The following ADK variants were observed in gnomAD, a reference collection of about 807,000 sequenced individuals.
ADK encodes the protein adenosine kinase.
A neutral mutation model predicts 44.7 loss-of-function variants in ADK; 24 were observed. The observed-to-expected ratio is 0.54, with a 90% CI of 0.39 to 0.76. The LOEUF is 0.76. Among genes scored for constraint, ADK ranks in the 30% least tolerant of loss-of-function variants. The probability of loss-of-function intolerance (pLI) is 0.00; values close to 1 mark genes in which losing one functional copy is unlikely to be tolerated. For synonymous variants in ADK, 128 were observed against 142.6 expected (o/e 0.90, Z 0.73); for missense variants, 321 against 425.1 (o/e 0.76, Z 2.15).
Position 74,180,226 on chromosome 10 carries a change from ATTATTATTG to A in ADK, c.66-20529_66-20521del, listed in dbSNP as rs1261897637. Among the ~76,000 whole-genome samples, 172 of 107,362 alleles carry A rather than the reference ATTATTATTG, an allele frequency of 1.6e-3. 1 individual carries two copies. Among genetic ancestry groups the A allele is most frequent in the East Asian group, 2.8e-3 (13 of 4,628 alleles). The allele number at this position is 107,362 out of a possible 152,430, so 70.4% of individuals were successfully genotyped here. A position where few individuals can be genotyped will look rare whatever the true frequency, so the allele number is the denominator to read the frequency against. On this transcript the variant is annotated intron_variant, in intron 1 of 10. Coordinates refer to ENST00000539909, the MANE Select transcript of ADK (RefSeq NM_006721.4). The stretch of plus-strand genomic sequence containing the variant: ...TTTTCTTTTTATTATTATTATTATT[ATTATTATTG>A]TTATTATTAATTATTATTTTGAGAC...
chr10:74,500,824 C>A lies in ADK; in HGVS notation c.556-24432C>A, dbSNP rs143106172. On this transcript the variant is annotated intron_variant, in intron 6 of 10. Coordinates refer to ENST00000539909, the MANE Select transcript of ADK (RefSeq NM_006721.4). ...TGGTGCAAATGGATAGATATTAATC[C>A]TGCAGCAATCAGGATTTGCTTCAGC... is the stretch of plus-strand genomic sequence containing the variant. Among the ~76,000 whole-genome samples, 8 of 152,152 alleles carry A rather than the reference C, an allele frequency of 5.3e-5. No individual in the cohort carries two copies. The East Asian group carries it at 1.5e-3, about 29-fold the overall frequency.
intron 7 of ADK, among the ~76,000 whole-genome samples, chr10:74,575,503 A>G (rs1240178614): frequency 6.6e-6 from 1 of 152,184 alleles, no homozygotes; most frequent in African/African-American, 2.4e-5. Flanking sequence ...AGGGATGGGT[A>G]GGATTTTGAC....
chr10:74,185,512 A>C, intron 1 of ADK, among the ~76,000 whole-genome samples: 1 of 141,574 alleles, frequency 7.1e-6, no homozygotes. Context: ...AAAAAATGCC[A>C]ACAATATAAT....
chr10:74,691,772 G>A, intron 10 of ADK, among the ~76,000 whole-genome samples: 1 of 152,010 alleles, frequency 6.6e-6, no homozygotes, highest in East Asian at 1.9e-4. Flanking sequence ...CTTTTATTTG[G>A]GGAGGTTTTT....
chr10:74,402,302 G>A (rs1025786585), intron 6 of ADK, among the ~76,000 whole-genome samples: 2 of 151,946 alleles, frequency 1.3e-5, no homozygotes, highest in African/African-American at 4.8e-5. Context: ...GCTAGGTTGG[G>A]GACATTCTCC....
intron 1 of ADK, among the ~76,000 whole-genome samples, chr10:74,175,786 A>G (rs1255261507): frequency 2.0e-5 from 3 of 152,238 alleles, no homozygotes; most frequent in African/African-American, 7.2e-5. Context: ...TGAAAATTAA[A>G]AAAATTATTG....
chr10:74,456,615 C>T (rs1384384420), intron 6 of ADK, among the ~76,000 whole-genome samples: 4 of 142,512 alleles, frequency 2.8e-5, no homozygotes, highest in African/African-American at 1.1e-4. Flanking sequence ...TGCAGTGAGC[C>T]GAGATCGCGC....
chr10:74,362,553 G>T (rs901845250), intron 4 of ADK, among the ~76,000 whole-genome samples: 1 of 151,766 alleles, frequency 6.6e-6, no homozygotes, highest in African/African-American at 2.4e-5. Flanking sequence ...GTTAGTCTGT[G>T]GTACCTTATT....
chr10:74,603,806 A>T (rs914656132), intron 9 of ADK, among the ~76,000 whole-genome samples: 3 of 152,188 alleles, frequency 2.0e-5, no homozygotes, highest in African/African-American at 7.2e-5. Flanking sequence ...CCTGTTCTAG[A>T]TCCTTGAGGA....
chr10:74,634,747 C>G (rs1853565393), intron 9 of ADK, among the ~76,000 whole-genome samples: 1 of 151,936 alleles, frequency 6.6e-6, no homozygotes, highest in African/African-American at 2.4e-5. Flanking sequence ...GAGTTCGAGA[C>G]CAGTCTGGCC....
chr10:74,607,120 T>C (rs1461112656), intron 9 of ADK, among the ~76,000 whole-genome samples: 1 of 152,192 alleles, frequency 6.6e-6, no homozygotes, highest in Non-Finnish European at 1.5e-5. Flanking sequence ...TGAACCTACG[T>C]GTGTCTTTGC....
At chr10:74,186,098 C>G (rs1842750539) in intron 1 of ADK, among the ~76,000 whole-genome samples, 1 of 152,074 alleles carries the variant, frequency 6.6e-6, no homozygotes, top group Non-Finnish European at 1.5e-5. Flanking sequence ...ATCTGCCTAC[C>G]TCGGCCTCCC....
chr10:74,286,411 A>G (rs1300986262), intron 3 of ADK, among the ~76,000 whole-genome samples: 1 of 152,182 alleles, frequency 6.6e-6, no homozygotes, highest in Admixed American at 6.6e-5. Flanking sequence ...CAATTTATCA[A>G]GGCTTTACTG....
rs537776058 is a variant in ADK at position 74,464,392 on chromosome 10, A to T, written c.556-60864A>T. 5.2e-3 allele frequency among the ~76,000 whole-genome samples: 771 copies of T among 147,922 alleles called. 10 individuals carry two copies. The highest frequency in any genetic ancestry group is 0.018 in the African/African-American group (722 of 39,222). On this transcript the variant is annotated intron_variant, in intron 6 of 10. Transcript: ENST00000539909. Reference sequence around the variant, plus strand: ...GGAGACCCCCATCTCTATTAATTTAAAAAAAAAAATTACCTGGACATGGTG... The same window carrying T: ...GGAGACCCCCATCTCTATTAATTTATAAAAAAAAATTACCTGGACATGGTG...
At chr10:74,281,317 A>G (rs1297955254) in intron 3 of ADK, among the ~76,000 whole-genome samples, 1 of 152,242 alleles carries the variant, frequency 6.6e-6, no homozygotes, top group African/African-American at 2.4e-5. Flanking sequence ...CAAATCAGTA[A>G]TGGTAATTTT....
At chr10:74,646,762 A>G (rs1384182568) in intron 9 of ADK, among the ~76,000 whole-genome samples, 1 of 152,212 alleles carries the variant, frequency 6.6e-6, no homozygotes, top group East Asian at 1.9e-4. Flanking sequence ...AAAACAATAT[A>G]AGCTCAGCCA....
intron 7 of ADK, among the ~76,000 whole-genome samples, chr10:74,534,301 A>G (rs1589225802): frequency 6.6e-6 from 1 of 152,238 alleles, no homozygotes; most frequent in East Asian, 1.9e-4. Flanking sequence ...AAATGAATAT[A>G]TACTTTGATT....
At chr10:74,702,148 G>A (rs532918921) in intron 10 of ADK, among the ~76,000 whole-genome samples, 3 of 152,008 alleles carry the variant, frequency 2.0e-5, no homozygotes, top group African/African-American at 7.2e-5. Flanking sequence ...CTCAATCTGG[G>A]AGGGGGTTGG....
chr10:74,612,580 GCTGT>G (rs772828403), intron 9 of ADK, among the ~76,000 whole-genome samples: 35 of 152,026 alleles, frequency 2.3e-4, no homozygotes, highest in Admixed American at 5.2e-4. Context: ...TAATCTGTAG[GCTGT>G]CTGTTTATTT....
Sources: allele counts gnomAD v4.1 joint callset (sites outside exome capture counted in the v4.1 genomes callset), GRCh38; gene constraint gnomAD v4.1.1; transcripts MANE v1.5; gene names NCBI Gene and HGNC (gene_info 2026-07-23, HGNC 2026-07-21).